LIN52: variants seen among roughly 807,000 people sequenced by gnomAD.
LIN52 encodes the protein protein lin-52 homolog.
A neutral mutation model predicts 18.5 loss-of-function variants in LIN52; 4 were observed. The ratio of observed to expected loss-of-function variants is 0.22; its 90% confidence interval spans 0.11 to 0.49. LIN52 has a LOEUF of 0.49. Among genes scored for constraint, LIN52 ranks in the 20% least tolerant of loss-of-function variants. LIN52 has a pLI of 0.97. For synonymous variants in LIN52, 34 were observed against 45.5 expected (o/e 0.75, Z 1.02); for missense variants, 102 against 139.5 (o/e 0.73, Z 1.35).
chr14:74,187,572 A>G (rs1484257452), intron 5 of LIN52, among the ~76,000 whole-genome samples: 1 of 152,176 alleles, frequency 6.6e-6, no homozygotes, highest in Non-Finnish European at 1.5e-5. Flanking sequence ...TTATTTAATG[A>G]TGGTTCTACT....
intron 5 of LIN52, among the ~76,000 whole-genome samples, chr14:74,154,942 G>A (rs2061193302): frequency 6.6e-6 from 1 of 152,188 alleles, no homozygotes; most frequent in Admixed American, 6.5e-5. Flanking sequence ...CAATCAAAAA[G>A]CAGCATCCCT....
chr14:74,153,899 G>GT (rs2061187379), intron 5 of LIN52, among the ~76,000 whole-genome samples: 1 of 152,104 alleles, frequency 6.6e-6, no homozygotes, highest in Admixed American at 6.5e-5. Flanking sequence ...AATTATTTGT[G>GT]TTTTGGCCAG....
At chr14:74,167,099 C>T (rs900418717) in intron 5 of LIN52, among the ~76,000 whole-genome samples, 8 of 140,896 alleles carry the variant, frequency 5.7e-5, no homozygotes, top group African/African-American at 1.9e-4. Flanking sequence ...GAGGCCAACA[C>T]TGGCCTCTGC....
At chr14:74,116,119 A>G (rs953639111) in intron 5 of LIN52, among the ~76,000 whole-genome samples, 3 of 152,076 alleles carry the variant, frequency 2.0e-5, no homozygotes, top group African/African-American at 7.2e-5. Context: ...CCTGGCCAAC[A>G]TGGTGAAACC....
At chr14:74,088,502 C>T (rs965957991) in intron 1 of LIN52, among the ~76,000 whole-genome samples, 1 of 152,170 alleles carries the variant, frequency 6.6e-6, no homozygotes, top group Non-Finnish European at 1.5e-5. Flanking sequence ...GGATTCCAGA[C>T]ATGAGCCACT....
At chr14:74,189,415 G>A (rs1035825239) in intron 5 of LIN52, among the ~76,000 whole-genome samples, 1 of 152,114 alleles carries the variant, frequency 6.6e-6, no homozygotes, top group East Asian at 1.9e-4. Flanking sequence ...CCCTTGAAAA[G>A]GAAACCAAGT....
chr14:74,110,741 G>T (rs1164504475), intron 5 of LIN52, among the ~76,000 whole-genome samples: 4 of 151,454 alleles, frequency 2.6e-5, no homozygotes, highest in African/African-American at 9.7e-5. Flanking sequence ...AAGGCAGGCA[G>T]ATCACGAGGT....
intron 2 of LIN52, among the ~76,000 whole-genome samples, chr14:74,093,905 T>A (rs547076670): frequency 6.6e-6 from 1 of 151,550 alleles, no homozygotes; most frequent in Admixed American, 6.6e-5. Flanking sequence ...AGGCAGAGGT[T>A]GCAGTGAGCA....
chr14:74,130,278 G>GTTTTTTTTTTTT lies in LIN52; in HGVS notation c.283+29047_283+29058dup, dbSNP rs71460958. On this transcript the variant is annotated intron_variant, in intron 5 of 5. Transcript: ENST00000555028. ...GAATTTATTAGATAGGCATTTTTTG[G>GTTTTTTTTTTTT]TTTTTTTTTTTTTTTTTTGAGACAG... 9.8e-3 allele frequency among the ~76,000 whole-genome samples: 635 copies of GTTTTTTTTTTTT among 64,638 alleles called. 63 individuals are homozygous for GTTTTTTTTTTTT. The highest frequency in any genetic ancestry group is 0.022 in the African/African-American group (352 of 15,768). 42.4% of individuals were successfully genotyped at this position (64,638 alleles called of 152,430 possible). A position where few individuals can be genotyped will look rare whatever the true frequency, so the allele number is the denominator to read the frequency against.
chr14:74,192,297 G>T (rs1566871568), intron 5 of LIN52, among the ~76,000 whole-genome samples: 1 of 151,802 alleles, frequency 6.6e-6, no homozygotes, highest in African/African-American at 2.4e-5. Flanking sequence ...TTTGTTTTTT[G>T]TTTTTTGAGA....
chr14:74,187,053 G>A (rs1351122646), intron 5 of LIN52, among the ~76,000 whole-genome samples: 1 of 152,124 alleles, frequency 6.6e-6, no homozygotes, highest in East Asian at 1.9e-4. Context: ...CTCCAGCCTG[G>A]GTGACGGGGT....
At chr14:74,109,727 GTTGTC>G (rs1355580064) in intron 5 of LIN52, among the ~76,000 whole-genome samples, 1 of 152,170 alleles carries the variant, frequency 6.6e-6, no homozygotes, top group Non-Finnish European at 1.5e-5. Flanking sequence ...AAATGGAATT[GTTGTC>G]TTAATTTCAT....
chr14:74,141,495 T>G, intron 5 of LIN52, among the ~76,000 whole-genome samples: 1 of 152,224 alleles, frequency 6.6e-6, no homozygotes. Context: ...AATGAAGCCT[T>G]ACCATACAAG....
intron 5 of LIN52, among the ~76,000 whole-genome samples, chr14:74,165,513 C>CTTTTCTTTTTTTTTTTTTTTTTTT (rs1555384151): frequency 3.6e-5 from 4 of 110,260 alleles, no homozygotes; most frequent in Non-Finnish European, 7.1e-5. Context: ...GTTTTCTTTT[C>CTTTTCTTTTTTTTTTTTTTTTTTT]TTTTTTTTTT....
At chr14:74,085,240 G>A in intron 1 of LIN52, 1 of 380,356 alleles carries the variant, frequency 2.6e-6, no homozygotes, top group Non-Finnish European at 4.7e-6. Flanking sequence ...ACTCATTCTG[G>A]GTAAAAGGAC....
intron 5 of LIN52, among the ~76,000 whole-genome samples, chr14:74,171,438 A>T (rs1268275441): frequency 6.6e-6 from 1 of 152,010 alleles, no homozygotes; most frequent in Admixed American, 6.6e-5. Flanking sequence ...AATGTTTCAG[A>T]AAGATGATTT....
chr14:74,089,246 A>G (rs191462910), intron 1 of LIN52, among the ~76,000 whole-genome samples: 1 of 152,300 alleles, frequency 6.6e-6, no homozygotes, highest in African/African-American at 2.4e-5. Context: ...AAAAGAATGC[A>G]TGAAGGATGA....
chr14:74,145,231 A>C (rs2061148614), intron 5 of LIN52, among the ~76,000 whole-genome samples: 1 of 152,200 alleles, frequency 6.6e-6, no homozygotes, highest in African/African-American at 2.4e-5. Flanking sequence ...AAGTTCTTCT[A>C]ATTCTTCAGT....
intron 3 of LIN52, among the ~76,000 whole-genome samples, chr14:74,096,246 A>T (rs1459756697): frequency 6.6e-6 from 1 of 152,106 alleles, no homozygotes; most frequent in Non-Finnish European, 1.5e-5. Context: ...TTTTTAGTAG[A>T]GACGGGGTTC....
Sources: gnomAD v4.1 joint callset for allele counts (sites outside exome capture counted in the v4.1 genomes callset) on GRCh38, gnomAD v4.1.1 for gene constraint, MANE v1.5 for transcripts, NCBI Gene and HGNC (gene_info 2026-07-23, HGNC 2026-07-21) for gene names.